Variants in XYLT1 observed in about 807,000 individuals in gnomAD.
The protein encoded by XYLT1 is beta-D-xylosyltransferase 1.
In XYLT1, 36 loss-of-function variants were observed where a neutral mutation model predicts 91.3. The ratio of observed to expected loss-of-function variants is 0.39; its 90% CI spans 0.30 to 0.52. The LOEUF (loss-of-function observed/expected upper bound fraction) is 0.52, where lower values mean the gene tolerates loss of function less well. Among genes scored for constraint, XYLT1 ranks in the 20% least tolerant of loss-of-function variants. The pLI, the probability that XYLT1 is intolerant of heterozygous loss-of-function variation, is 0.68. For missense variants in XYLT1, 1,242 were observed against 1,284.5 expected (o/e 0.97, Z 0.51); for synonymous variants, 588 against 532.0 (o/e 1.11, Z -1.45).
intron 4 of XYLT1, 49 bp downstream of exon 4, chr16:17,200,432 GA>G (rs1477860245): frequency 6.3e-7 from 1 of 1,589,372 alleles, no homozygotes; most frequent in Non-Finnish European, 8.6e-7. Flanking sequence ...GGGAGGGACG[GA>G]CAGACCCCGA....
intron 11 of XYLT1, among the ~76,000 whole-genome samples, chr16:17,115,800 TAAAAAAAA>T (rs71137969): frequency 7.9e-5 from 4 of 50,340 alleles, no homozygotes; most frequent in South Asian, 2.8e-3. Context: ...TCTGTTATAT[TAAAAAAAA>T]AAAAAAAAAA....
At chr16:17,329,726 T>A (rs1040785735) in intron 2 of XYLT1, among the ~76,000 whole-genome samples, 1 of 151,978 alleles carries the variant, frequency 6.6e-6, no homozygotes, top group Non-Finnish European at 1.5e-5. Flanking sequence ...CACCCGTGAG[T>A]TTGTAGACAT....
intron 2 of XYLT1, among the ~76,000 whole-genome samples, chr16:17,294,335 G>A (rs2034279372): frequency 6.6e-6 from 1 of 152,180 alleles, no homozygotes; most frequent in African/African-American, 2.4e-5. Context: ...TCCACATGAG[G>A]GAGAAATGAT....
chr16:17,196,432 A>G (rs149056163), intron 5 of XYLT1, among the ~76,000 whole-genome samples: 52 of 152,318 alleles, frequency 3.4e-4, no homozygotes, highest in Non-Finnish European at 6.8e-4. Context: ...TATAGATACA[A>G]TTCTGTGATA....
At position 17,140,755 on chromosome 16, in the gene XYLT1, C is replaced by A. The variant is rs551929161; in HGVS notation, c.1587+398G>T. Reference sequence around the variant, plus strand: ...GTTGTGCAGGTTACACACTACATACCTTTTAGGGGTGCCATCAGCATTGTG... The same window carrying A: ...GTTGTGCAGGTTACACACTACATACATTTTAGGGGTGCCATCAGCATTGTG... On this transcript the variant is annotated intron_variant, in intron 7 of 11. Coordinates refer to ENST00000261381, the MANE Select transcript of XYLT1 (RefSeq NM_022166.4). Among the ~76,000 whole-genome samples the A allele has an allele frequency of 2.0e-5, 3 of 150,358 alleles. No individual in the cohort carries two copies. In the Middle Eastern group the frequency reaches 0.01, roughly 526 times the overall value.
At chr16:17,247,907 T>C (rs534075377) in intron 3 of XYLT1, among the ~76,000 whole-genome samples, 3 of 152,320 alleles carry the variant, frequency 2.0e-5, no homozygotes, top group East Asian at 3.9e-4. Context: ...GTTGCTTTCC[T>C]GATCCAAGAT....
intron 5 of XYLT1, among the ~76,000 whole-genome samples, chr16:17,189,955 A>G (rs2032272082): frequency 6.6e-6 from 1 of 152,192 alleles, no homozygotes; most frequent in Non-Finnish European, 1.5e-5. Context: ...CAGAGCCAGG[A>G]GAATCTCTTG....
intron 3 of XYLT1, among the ~76,000 whole-genome samples, chr16:17,222,577 G>A (rs992926818): frequency 6.6e-6 from 1 of 152,018 alleles, no homozygotes; most frequent in African/African-American, 2.4e-5. Flanking sequence ...ATCACTTGAC[G>A]TCACGAGTTC....
intron 3 of XYLT1, among the ~76,000 whole-genome samples, chr16:17,224,672 C>T (rs1164998468): frequency 6.6e-6 from 1 of 152,130 alleles, no homozygotes; most frequent in Non-Finnish European, 1.5e-5. Context: ...AGGGGTATGC[C>T]AGAGACAGCT....
intron 5 of XYLT1, among the ~76,000 whole-genome samples, chr16:17,180,002 A>G (rs553218991): frequency 6.6e-6 from 1 of 152,348 alleles, no homozygotes; most frequent in East Asian, 1.9e-4. Context: ...ACTTCTGGGT[A>G]GCTGAGCATC....
At chr16:17,469,687 A>G (rs1008368567) in intron 1 of XYLT1, among the ~76,000 whole-genome samples, 21 of 152,194 alleles carry the variant, frequency 1.4e-4, no homozygotes, top group Admixed American at 5.2e-4. Context: ...GGTCGGACAC[A>G]CAGCTGGTGA....
At chr16:17,310,817 C>T (rs1474236206) in intron 2 of XYLT1, among the ~76,000 whole-genome samples, 1 of 152,106 alleles carries the variant, frequency 6.6e-6, no homozygotes, top group Non-Finnish European at 1.5e-5. Flanking sequence ...CCACTGCACT[C>T]TAGCCTGGAT....
intron 1 of XYLT1, among the ~76,000 whole-genome samples, chr16:17,444,685 A>G (rs894895704): frequency 2.6e-5 from 4 of 152,164 alleles, no homozygotes; most frequent in African/African-American, 9.7e-5. Flanking sequence ...CATGCTGCAC[A>G]TAGTAGATGC....
At chr16:17,351,296 C>T (rs143361935) in intron 2 of XYLT1, among the ~76,000 whole-genome samples, 12 of 152,180 alleles carry the variant, frequency 7.9e-5, no homozygotes, top group African/African-American at 2.4e-4. Flanking sequence ...GGATGGATCA[C>T]GAGGTCATGA....
intron 1 of XYLT1, among the ~76,000 whole-genome samples, chr16:17,460,799 G>A (rs548775131): frequency 6.6e-6 from 1 of 152,270 alleles, no homozygotes; most frequent in Non-Finnish European, 1.5e-5. Flanking sequence ...TTAAATTCCA[G>A]GGCCTATTTA....
intron 3 of XYLT1, among the ~76,000 whole-genome samples, chr16:17,204,925 G>A (rs887264092): frequency 1.6e-4 from 23 of 140,614 alleles, no homozygotes; most frequent in African/African-American, 5.7e-4. Context: ...TTATGAACAC[G>A]GAACTCTTTG....
intron 1 of XYLT1, among the ~76,000 whole-genome samples, chr16:17,391,774 G>C (rs751254657): frequency 6.6e-6 from 1 of 152,208 alleles, no homozygotes; most frequent in Non-Finnish European, 1.5e-5. Flanking sequence ...GACCCAGTGA[G>C]AAATAACTGA....
intron 2 of XYLT1, among the ~76,000 whole-genome samples, chr16:17,305,617 T>C (rs1474365558): frequency 2.0e-5 from 3 of 152,218 alleles, no homozygotes; most frequent in Non-Finnish European, 2.9e-5. Flanking sequence ...GGTTTCACCA[T>C]GTTGGCCAGG....
intron 2 of XYLT1, among the ~76,000 whole-genome samples, chr16:17,273,570 A>G (rs1350316017): frequency 6.6e-6 from 1 of 152,178 alleles, no homozygotes; most frequent in African/African-American, 2.4e-5. Flanking sequence ...TACGCCAGGC[A>G]TGGTGGCTCA....
Sources: gnomAD v4.1 joint callset for allele counts (sites outside exome capture counted in the v4.1 genomes callset) on GRCh38, gnomAD v4.1.1 for gene constraint, MANE v1.5 for transcripts, NCBI Gene and HGNC (gene_info 2026-07-23, HGNC 2026-07-21) for gene names.